The following PAK3 variants were observed in gnomAD, a reference collection of about 807,000 sequenced individuals.
PAK3 encodes serine/threonine-protein kinase PAK 3.
In PAK3, 4 loss-of-function variants were observed where a neutral mutation model predicts 41.0. The observed-to-expected ratio is 0.10, with a 90% CI of 0.05 to 0.22. The LOEUF is 0.22. PAK3 is among the 10% of genes least tolerant of loss of function. The probability of loss-of-function intolerance (pLI) is 1.00; values close to 1 mark genes in which losing one functional copy is unlikely to be tolerated. For missense variants in PAK3, 205 were observed against 409.9 expected (o/e 0.50, Z 4.32); for synonymous variants, 146 against 139.6 (o/e 1.05, Z -0.32).
chrX:111,049,356 G>A (rs1165346239), intron 1 of PAK3, among the ~76,000 whole-genome samples: 1 of 112,246 alleles, frequency 8.9e-6, no homozygotes, highest in Non-Finnish European at 1.9e-5. Context: ...CAACTAGGAT[G>A]TAAGCACCAT....
At chrX:111,205,920 AT>A (rs767665621) in intron 16 of PAK3, among the ~76,000 whole-genome samples, 1 of 111,893 alleles carries the variant, frequency 8.9e-6, no homozygotes, top group African/African-American at 3.2e-5. Context: ...GAAATGAAAC[AT>A]GAACAAATGT....
At chrX:111,025,053 G>T (rs1457960814) in intron 1 of PAK3, among the ~76,000 whole-genome samples, 1 of 110,560 alleles carries the variant, frequency 9.0e-6, no homozygotes, top group African/African-American at 3.3e-5. Flanking sequence ...ATGATCCTTG[G>T]GTAAACAATG....
At chrX:111,101,794 C>T (rs976140711) in intron 3 of PAK3, among the ~76,000 whole-genome samples, 12 of 111,945 alleles carry the variant, frequency 1.1e-4, no homozygotes, top group Non-Finnish European at 2.3e-4. Flanking sequence ...GGAAAGGCTG[C>T]CTGGAGTGTG....
At chrX:110,992,729 CTCT>C (rs1348697285) in intron 1 of PAK3, among the ~76,000 whole-genome samples, 1 of 111,899 alleles carries the variant, frequency 8.9e-6, no homozygotes, top group Non-Finnish European at 1.9e-5. Flanking sequence ...CTTGCTCAGC[CTCT>C]TCTTGCAGGA....
chrX:111,212,864 A>C (rs774923079), intron 16 of PAK3, among the ~76,000 whole-genome samples: 2 of 112,058 alleles, frequency 1.8e-5, no homozygotes, highest in Non-Finnish European at 3.8e-5. Flanking sequence ...TTCAAAAATT[A>C]AGTCACCAAC....
At chrX:111,067,560 A>C (rs2092710800) in intron 1 of PAK3, among the ~76,000 whole-genome samples, 1 of 111,676 alleles carries the variant, frequency 9.0e-6, no homozygotes, top group African/African-American at 3.2e-5. Context: ...TTCTCTTCTA[A>C]TCTTTATTGG....
At chrX:111,197,562 T>G (rs932229626) in intron 16 of PAK3, among the ~76,000 whole-genome samples, 1 of 112,662 alleles carries the variant, frequency 8.9e-6, no homozygotes, top group Non-Finnish European at 1.9e-5. Flanking sequence ...GATTGCTGAA[T>G]TGAATGATAA....
Position 111,071,341 on chromosome X carries a change from G to A in PAK3, c.-27-51736G>A, listed in dbSNP as rs561868922. ...TGAAACAGTGACCACATAAGTAGCT[G>A]TGTTACCTAGGAAACATCACTTTAA... On this transcript the variant is annotated intron_variant, in intron 1 of 14. Coordinates refer to the PAK3 transcript ENST00000425146. Among the ~76,000 whole-genome samples the A allele has an allele frequency of 6.3e-5, 7 of 111,977 alleles. No individual in the cohort carries two copies. In the East Asian group the frequency reaches 8.4e-4, roughly 13 times the overall value.
intron 10 of PAK3, among the ~76,000 whole-genome samples, chrX:111,171,240 G>C (rs1279686320): frequency 9.0e-6 from 1 of 111,444 alleles, no homozygotes; most frequent in Admixed American, 9.5e-5. Context: ...ATCTTCTCTT[G>C]ATTAGTTCAT....
upstream of PAK3, among the ~76,000 whole-genome samples, chrX:111,093,085 C>T (rs1423771542): frequency 8.9e-6 from 1 of 111,844 alleles, no homozygotes; most frequent in Non-Finnish European, 1.9e-5. Flanking sequence ...GCGCTTCTCA[C>T]TTCTCATGTG....
At chrX:111,087,415 C>T (rs1343054038) in intron 1 of PAK3, among the ~76,000 whole-genome samples, 1 of 48,686 alleles carries the variant, frequency 2.1e-5, no homozygotes, top group Admixed American at 3.5e-4. Flanking sequence ...GAAGTTCTTG[C>T]ATTATTACAA....
chrX:111,128,817 C>T (rs181591115), intron 5 of PAK3, among the ~76,000 whole-genome samples: 53 of 111,846 alleles, frequency 4.7e-4, no homozygotes, highest in African/African-American at 1.5e-3. Context: ...TTGAAAGAAA[C>T]GATGGTGAGA....
chrX:111,203,925 T>G (rs1309522654), intron 16 of PAK3, among the ~76,000 whole-genome samples: 1 of 111,847 alleles, frequency 8.9e-6, no homozygotes, highest in Non-Finnish European at 1.9e-5. Flanking sequence ...GAGCATTCCC[T>G]TCATTTTCCA....
intron 1 of PAK3, among the ~76,000 whole-genome samples, chrX:111,024,905 C>T (rs769215621): frequency 9.0e-6 from 1 of 111,242 alleles, no homozygotes; most frequent in African/African-American, 3.3e-5. Flanking sequence ...GGCCACAAAA[C>T]GTGTATCAGT....
At chrX:111,046,631 A>G (rs141470085) in intron 1 of PAK3, among the ~76,000 whole-genome samples, 105 of 111,921 alleles carry the variant, frequency 9.4e-4, no homozygotes, top group African/African-American at 3.2e-3. Context: ...AACCTCGGAC[A>G]AGTCACTTAA....
At chrX:111,183,069 A>G (rs2094476125) in intron 11 of PAK3, among the ~76,000 whole-genome samples, 1 of 112,057 alleles carries the variant, frequency 8.9e-6, no homozygotes, top group Admixed American at 9.5e-5. Flanking sequence ...TAAAAATGCT[A>G]AAGATCTATA....
chrX:110,971,837 T>G, intron 1 of PAK3, among the ~76,000 whole-genome samples: 1 of 112,214 alleles, frequency 8.9e-6, no homozygotes, highest in East Asian at 2.8e-4. Flanking sequence ...TTTATCCATT[T>G]TGGGTTAATT....
chrX:111,077,189 T>C (rs367624387), intron 1 of PAK3, among the ~76,000 whole-genome samples: 2 of 112,078 alleles, frequency 1.8e-5, no homozygotes, highest in African/African-American at 6.5e-5. Flanking sequence ...ATGTTCCATA[T>C]ACATGGATTG....
At chrX:111,091,576 G>A (rs1364480419), upstream of PAK3, among the ~76,000 whole-genome samples, 1 of 111,821 alleles carries the variant, frequency 8.9e-6, no homozygotes, top group Non-Finnish European at 1.9e-5. Context: ...CCCAGCCATG[G>A]GCTTTCCTCT....
Sources: allele counts gnomAD v4.1 joint callset (sites outside exome capture counted in the v4.1 genomes callset), GRCh38; gene constraint gnomAD v4.1.1; transcripts MANE v1.5; gene names NCBI Gene and HGNC (gene_info 2026-07-23, HGNC 2026-07-21).